The following PARVG variants were observed in gnomAD, a reference collection of about 807,000 sequenced individuals.
PARVG encodes the protein gamma-parvin.
PARVG carries 36 observed loss-of-function variants against 44.4 expected under a neutral mutation model. The observed-to-expected ratio is 0.81, with a 90% CI of 0.62 to 1.07. PARVG has a LOEUF of 1.07. Among genes scored for constraint, PARVG ranks in the 50% least tolerant of loss-of-function variants. The probability of loss-of-function intolerance (pLI) is 0.00; values close to 1 mark genes in which losing one functional copy is unlikely to be tolerated. For synonymous variants in PARVG, 170 were observed against 174.1 expected, an observed-to-expected ratio of 0.98 and a Z score of 0.19; for missense variants, 407 against 407.4, an observed-to-expected ratio of 1.00 and a Z score of 0.01.
rs773608444 is a variant in PARVG, at chr22:44,187,814, G to A, written c.183G>A (p.Glu61=). ...MEWINATLLP[E]HIVVRSLEED... is the part of the protein sequence containing the mutation. ...GGATCAATGCCACTCTTCTCCCCGA[G>A]CACATTGTGGTCCGCAGCCTGGAGG... Residue 61 remains glutamate, a synonymous_variant, in exon 5 of 14, where the codon GAG becomes GAA. Coordinates refer to ENST00000444313, the MANE Select transcript of PARVG (RefSeq NM_022141.7). The A allele has an allele frequency of 6.2e-7, 1 of 1,614,256 alleles. No homozygotes were observed. Among genetic ancestry groups the A allele is most frequent in the South Asian group, 1.1e-5 (1 of 91,086 alleles).
chr22:44,193,407 C>T (rs1306264297), intron 8 of PARVG, among the ~76,000 whole-genome samples: 2 of 151,940 alleles, frequency 1.3e-5, no homozygotes, highest in African/African-American at 2.4e-5. Flanking sequence ...AGGGAGAACA[C>T]GGGGGGTGCT....
chr22:44,203,279 G>A (rs150178036), intron 12 of PARVG, among the ~76,000 whole-genome samples: 88 of 152,242 alleles, frequency 5.8e-4, no homozygotes, highest in African/African-American at 2.0e-3. Context: ...GTGAATGAAC[G>A]AAGTGTTTCC....
exon 1 of PARVG, chr22:44,173,104 A>G: frequency 7.8e-7 from 1 of 1,289,624 alleles, no homozygotes; most frequent in Non-Finnish European, 1.0e-6. Context: ...GAGCTGGTTC[A>G]CAGCCCTTTG....
chr22:44,190,663 C>T lies in PARVG; in HGVS notation c.501C>T (p.Ile167=), dbSNP rs762044542. The change falls in exon 7 of 14, where the codon ATC becomes ATT. Residue 167 remains isoleucine (I), a synonymous_variant. Transcript: ENST00000444313. ...PTNVQVEVIT[I]ESTKSGLKSE... ...ACGTCCAGGTGGAGGTCATCACTATCGAGGTAGCAGCCTGGGCCCCAGGGA... is the reference window on the plus strand; with the variant it reads ...ACGTCCAGGTGGAGGTCATCACTATTGAGGTAGCAGCCTGGGCCCCAGGGA... The T allele has an allele frequency of 3.9e-5, 63 of 1,608,924 alleles. No homozygotes were observed. The highest frequency in any genetic ancestry group is 1.1e-4 in the East Asian group (5 of 44,870).
At chr22:44,187,917 C>T in intron 5 of PARVG, 39 bp downstream of exon 5, 1 of 1,607,280 alleles carries the variant, frequency 6.2e-7, no homozygotes, top group Non-Finnish European at 8.5e-7. Context: ...GCCTCGGCCC[C>T]ATCCCCCTGA....
In PARVG at chr22:44,186,455, G is replaced by A. The variant is rs9626127; in HGVS notation, c.144+583G>A. On this transcript the variant is annotated intron_variant, in intron 4 of 13. Transcript: ENST00000444313. The stretch of plus-strand genomic sequence containing the variant: ...CCAGTCTCCACATGGCCTCTCTGTT[G>A]CCTCCTCCAGGGAGGCCTCCTGGCC... 2,634 of 424,162 alleles carry A rather than the reference G, an allele frequency of 6.2e-3. 64 individuals are homozygous for A. Among genetic ancestry groups the A allele is most frequent in the African/African-American group, 0.05 (2,458 of 49,466 alleles). The allele number at this position is 424,162 out of a possible 1,614,324, so 26.3% of individuals were successfully genotyped here. A position where few individuals can be genotyped will look rare whatever the true frequency, so the allele number is the denominator to read the frequency against.
At chr22:44,183,221 A>G (rs2054410538) in intron 2 of PARVG, 97 bp from the exon 3 acceptor site, 15 of 1,156,064 alleles carry the variant, frequency 1.3e-5, no homozygotes, top group Non-Finnish European at 1.7e-5. Context: ...CCTGGCTTCT[A>G]CCCTCCTTCT....
At chr22:44,186,325 A>C (rs1245151281) in intron 4 of PARVG, 2 of 326,868 alleles carry the variant, frequency 6.1e-6, no homozygotes, top group East Asian at 1.5e-4. Flanking sequence ...GGCCTGGGTC[A>C]CCCATTCTTA....
At chr22:44,195,529 C>T (rs2054606227) in intron 9 of PARVG, among the ~76,000 whole-genome samples, 1 of 152,218 alleles carries the variant, frequency 6.6e-6, no homozygotes, top group Admixed American at 6.5e-5. Flanking sequence ...AGGACATGGG[C>T]ACCCGAGGCT....
intron 1 of PARVG, among the ~76,000 whole-genome samples, chr22:44,175,552 A>C (rs1462098228): frequency 6.6e-6 from 1 of 152,150 alleles, no homozygotes; most frequent in African/African-American, 2.4e-5. Context: ...CACCATCATC[A>C]TCTTCACCAG....
At chr22:44,196,323 A>G (rs1380364675) in intron 10 of PARVG, 24 bp from the exon 11 acceptor site, 4 of 1,614,092 alleles carry the variant, frequency 2.5e-6, no homozygotes, top group Non-Finnish European at 3.4e-6. Context: ...GCTGTGTGCT[A>G]GGCCCTTGTT....
intron 10 of PARVG, 37 bp from the exon 11 acceptor site, chr22:44,196,310 C>A (rs1170652088): frequency 1.2e-6 from 2 of 1,614,170 alleles, no homozygotes; most frequent in Admixed American, 3.3e-5. Flanking sequence ...TCCCATCACA[C>A]CTGCTGTGTG....
At chr22:44,173,088 G>A (rs1316396327) in exon 1 of PARVG, 1 of 1,289,598 alleles carries the variant, frequency 7.8e-7, no homozygotes, top group Non-Finnish European at 1.0e-6. Flanking sequence ...ACAGGAGCTG[G>A]GGGAAGAGCT....
Position 44,181,049 on chromosome 22 carries a change from T to G in PARVG, c.-325T>G, listed in dbSNP as rs1277194427. On this transcript the variant is annotated 5_prime_UTR_variant, in exon 1 of 14. Coordinates refer to ENST00000444313, the MANE Select transcript of PARVG (RefSeq NM_022141.7). ...CCACCTGCCACGTTCTCACCCCTTC[T>G]TCTTCCACTGCAAACTCCTATGCAG... 1.1e-6 allele frequency: 1 copy of G among 916,670 alleles called. No individual in the cohort carries two copies. Among genetic ancestry groups the G allele is most frequent in the Non-Finnish European group, 1.3e-6 (1 of 767,372 alleles). 56.8% of individuals were successfully genotyped at this position (916,670 alleles called of 1,614,324 possible).
intron 12 of PARVG, 29 bp downstream of exon 12, chr22:44,198,751 G>T (rs13053372): frequency 9.8e-5 from 150 of 1,528,520 alleles, no homozygotes; most frequent in Non-Finnish European, 1.3e-4. Flanking sequence ...TTTCTTTATG[G>T]TCTACCTCTA....
rs1474573156 is a variant in PARVG, at chr22:44,191,783, G to A, written c.505-266G>A. Among the ~76,000 whole-genome samples, 3 of 152,280 alleles carry A rather than the reference G, an allele frequency of 2.0e-5. No homozygotes were observed. In the South Asian group the frequency reaches 6.2e-4, roughly 32 times the overall value. ...TCTATACTGCCAACATAAATCAGAA[G>A]TGACTTCATTGATTCACTCCTTCAC... On this transcript the variant is annotated intron_variant, in intron 7 of 13. Coordinates refer to ENST00000444313, the MANE Select transcript of PARVG (RefSeq NM_022141.7).
chr22:44,195,274 C>G (rs2147232577), intron 9 of PARVG, among the ~76,000 whole-genome samples: 1 of 152,272 alleles, frequency 6.6e-6, no homozygotes, highest in African/African-American at 2.4e-5. Context: ...AGAAAGGACA[C>G]AGAGCAGGGG....
chr22:44,181,953 T>C (rs1474679427), intron 2 of PARVG, 36 bp downstream of exon 2: 9 of 985,416 alleles, frequency 9.1e-6, no homozygotes, highest in Non-Finnish European at 1.1e-5. Flanking sequence ...TACTTGAGTG[T>C]TGGGGGTCAC....
At chr22:44,205,675 G>A in intron 12 of PARVG, 82 bp from the exon 13 acceptor site, 3 of 1,534,314 alleles carry the variant, frequency 2.0e-6, no homozygotes, top group Non-Finnish European at 1.8e-6. Flanking sequence ...ACAGACAACA[G>A]GAAGGGCTTG....
Sources: allele counts gnomAD v4.1 joint callset (sites outside exome capture counted in the v4.1 genomes callset), GRCh38; gene constraint gnomAD v4.1.1; transcripts MANE v1.5; gene names NCBI Gene and HGNC (gene_info 2026-07-23, HGNC 2026-07-21).